SMG9: variants seen among roughly 807,000 people sequenced by gnomAD.
SMG9 encodes the protein SMG9 nonsense mediated mRNA decay factor.
SMG9 carries 55 observed loss-of-function variants against 64.0 expected under a neutral mutation model. The observed-to-expected ratio is 0.86, with a 90% CI of 0.69 to 1.08. The LOEUF (loss-of-function observed/expected upper bound fraction) is 1.08. Ranked by LOEUF, SMG9 falls within the 50% of genes least tolerant of loss-of-function variation. The pLI is 0.00. For missense variants in SMG9, 554 were observed against 681.3 expected (o/e 0.81, Z 2.08); for synonymous variants, 244 against 254.8 (o/e 0.96, Z 0.41).
chr19:43,742,670 T>A (rs1315635145), intron 6 of SMG9, among the ~76,000 whole-genome samples: 1 of 152,194 alleles, frequency 6.6e-6, no homozygotes, highest in African/African-American at 2.4e-5. Flanking sequence ...AATACAGTAC[T>A]TGTCAAAACT....
chr19:43,745,066 T>C (rs1909309401), intron 5 of SMG9, among the ~76,000 whole-genome samples, 182 bp from the exon 6 acceptor site: 1 of 152,250 alleles, frequency 6.6e-6, no homozygotes, highest in Non-Finnish European at 1.5e-5. Context: ...GGTAGGATTA[T>C]GTGAAATGTT....
chr19:43,734,302 C>G, intron 10 of SMG9, 87 bp downstream of exon 10: 1 of 1,083,150 alleles, frequency 9.2e-7, no homozygotes, highest in East Asian at 2.6e-5. Flanking sequence ...TCCTTCCTCT[C>G]TCTCCCCTCT....
At chr19:43,753,830 C>T (rs2146419794) in intron 1 of SMG9, among the ~76,000 whole-genome samples, 1 of 151,680 alleles carries the variant, frequency 6.6e-6, no homozygotes, top group East Asian at 1.9e-4. Flanking sequence ...ACTTAAAAGC[C>T]CACCTAAACC....
intron 10 of SMG9, 78 bp from the exon 11 acceptor site, chr19:43,733,811 C>G (rs1272818606): frequency 1.0e-6 from 1 of 987,312 alleles, no homozygotes; most frequent in Non-Finnish European, 1.6e-6. Context: ...CCCCAAAGAC[C>G]TGTTGTTACC....
rs1462505223 is a variant in SMG9 at position 43,729,521 on chromosome 19, AAGAAACTGAAG to A, written c.*2064_*2074del. On this transcript the variant is annotated 3_prime_UTR_variant, in exon 14 of 14. Transcript: ENST00000270066. ...CTTGTGCTGAAAGGGGCTGGGATGG[AAGAAACTGAAG>A]CTCCAACTCTCCTGGACTGAGTTGC... The A allele has an allele frequency of 6.6e-6, 1 of 152,254 alleles. No individual in the cohort carries two copies. The highest frequency in any genetic ancestry group is 2.4e-5 in the African/African-American group (1 of 41,428). The allele number at this position is 152,254 out of a possible 1,614,324, so 9.4% of individuals were successfully genotyped here.
In SMG9 at chr19:43,731,238, TAG is replaced by T. The variant is rs1968473741; in HGVS notation, c.*356_*357del. 19 of 1,080,620 alleles carry T rather than the reference TAG, an allele frequency of 1.8e-5. No individual in the cohort carries two copies. Among genetic ancestry groups the T allele is most frequent in the Non-Finnish European group, 2.0e-5 (18 of 888,312 alleles). The allele number at this position is 1,080,620 out of a possible 1,614,324, so 66.9% of individuals were successfully genotyped here. On this transcript the variant is annotated 3_prime_UTR_variant, in exon 14 of 14. Transcript: ENST00000270066. The stretch of plus-strand genomic sequence containing the variant: ...CTGCCTCACCTTACAGGGAAGGGCT[TAG>T]AGTCAGGGAAGAGGGGCCTGTTGCT...
chr19:43,731,551 C>T lies in SMG9; in HGVS notation c.*45G>A. On this transcript the variant is annotated 3_prime_UTR_variant, in exon 14 of 14. Transcript: ENST00000270066. The stretch of plus-strand genomic sequence containing the variant: ...GACATCTGTGCTCCCTCGCAGTACA[C>T]TGCGGACCCAGGAGGTCCCCTGCAT... 1 of 1,613,476 alleles carries T rather than the reference C, an allele frequency of 6.2e-7. No individual in the cohort carries two copies. Among genetic ancestry groups the T allele is most frequent in the Non-Finnish European group, 8.5e-7 (1 of 1,179,590 alleles).
At chr19:43,746,125 A>G in intron 5 of SMG9, among the ~76,000 whole-genome samples, 1 of 152,206 alleles carries the variant, frequency 6.6e-6, no homozygotes, top group Non-Finnish European at 1.5e-5. Flanking sequence ...GTGAGCCGAG[A>G]TGGTGCCACT....
Position 43,728,182 on chromosome 19 carries a change from C to T in SMG9, c.*3414G>A, listed in dbSNP as rs1285944361. 2.0e-5 allele frequency: 3 copies of T among 152,296 alleles called. No individual in the cohort carries two copies. In the East Asian group the frequency reaches 5.8e-4, roughly 29 times the overall value. 9.4% of individuals were successfully genotyped at this position (152,296 alleles called of 1,614,324 possible). A position where few individuals can be genotyped will look rare whatever the true frequency, so the allele number is the denominator to read the frequency against. On this transcript the variant is annotated 3_prime_UTR_variant, in exon 14 of 14. Transcript: ENST00000270066. ...ATGTCAACTTGTAGTTTGTAGTCAC[C>T]ACTGTTGGAGGTGGGGCCTGGCGGG...
chr19:43,740,056 G>C (rs373004756), intron 7 of SMG9, 51 bp downstream of exon 7: 19 of 1,217,384 alleles, frequency 1.6e-5, no homozygotes, highest in East Asian at 1.2e-4. Context: ...TCCAGGAAGA[G>C]GCTCAATGCA....
intron 2 of SMG9, chr19:43,750,071 G>C: frequency 2.0e-6 from 1 of 497,238 alleles, no homozygotes; most frequent in South Asian, 1.5e-5. Flanking sequence ...TTGTTATTAT[G>C]ACATGACCCT....
At chr19:43,736,504 G>A (rs1034731722) in intron 9 of SMG9, among the ~76,000 whole-genome samples, 3 of 152,210 alleles carry the variant, frequency 2.0e-5, no homozygotes, top group Non-Finnish European at 4.4e-5. Flanking sequence ...AGGCATTTCT[G>A]CAATCTGTGG....
At chr19:43,754,498 C>G (rs989039836) in intron 1 of SMG9, 156 bp downstream of exon 1, 1 of 152,218 alleles carries the variant, frequency 6.6e-6, no homozygotes, top group African/African-American at 2.4e-5. Context: ...CCTGCCAACC[C>G]AGTATCGAAT....
intron 6 of SMG9, among the ~76,000 whole-genome samples, chr19:43,740,727 G>C (rs1006274988): frequency 1.3e-4 from 20 of 152,040 alleles, no homozygotes; most frequent in African/African-American, 4.8e-4. Context: ...ATTGGAGAGA[G>C]AGCACTGAGT....
chr19:43,731,762 C>G, intron 13 of SMG9, 88 bp from the exon 14 acceptor site: 1 of 1,485,502 alleles, frequency 6.7e-7, no homozygotes, highest in Non-Finnish European at 9.3e-7. Context: ...ACTGAGGCCC[C>G]TTTTATGACC....
intron 6 of SMG9, 21 bp from the exon 7 acceptor site, chr19:43,740,239 G>A (rs1360109641): frequency 7.8e-6 from 12 of 1,543,048 alleles, no homozygotes; most frequent in Non-Finnish European, 1.1e-5. Context: ...GAGCAGGCAG[G>A]GGTGTGTGAG....
At position 43,729,165 on chromosome 19, in the gene SMG9, C is replaced by A. The variant is rs80220477; in HGVS notation, c.*2431G>T. The A allele has an allele frequency of 8.3e-3, 3,115 of 376,486 alleles. 100 individuals are homozygous for A. Among genetic ancestry groups the A allele is most frequent in the African/African-American group, 0.064 (2,927 of 45,442 alleles). The allele number at this position is 376,486 out of a possible 1,614,324, so 23.3% of individuals were successfully genotyped here. The stretch of plus-strand genomic sequence containing the variant: ...CAACGAGCCAGCCCCTGCACAAAAC[C>A]CTGGAGGTGGGACAGGGCCTTTGGA... On this transcript the variant is annotated 3_prime_UTR_variant, in exon 14 of 14. Transcript: ENST00000270066.
intron 6 of SMG9, among the ~76,000 whole-genome samples, chr19:43,740,863 G>A (rs867391934): frequency 3.9e-5 from 6 of 152,184 alleles, no homozygotes; most frequent in East Asian, 3.9e-4. Context: ...AGGCAGAGCA[G>A]GGCCGTGCCC....
intron 2 of SMG9, 112 bp from the exon 3 acceptor site, chr19:43,748,164 A>G: frequency 7.9e-7 from 1 of 1,264,076 alleles, no homozygotes; most frequent in Non-Finnish European, 1.1e-6. Flanking sequence ...TGATCCTACC[A>G]ACAGCCCTGT....
Sources: gnomAD v4.1 joint callset for allele counts (sites outside exome capture counted in the v4.1 genomes callset) on GRCh38, gnomAD v4.1.1 for gene constraint, MANE v1.5 for transcripts, NCBI Gene and HGNC (gene_info 2026-07-23, HGNC 2026-07-21) for gene names.